Variants in PRRC2B observed in about 807,000 individuals in gnomAD.
PRRC2B encodes the protein protein PRRC2B.
In PRRC2B, 68 loss-of-function variants were observed where a neutral mutation model predicts 242.3. The ratio of observed to expected loss-of-function variants is 0.28; its 90% CI spans 0.23 to 0.34. The LOEUF is 0.34. PRRC2B is among the 10% of genes least tolerant of loss of function. PRRC2B has a pLI of 1.00. For missense variants in PRRC2B, 2,835 were observed against 2,954.8 expected, an observed-to-expected ratio of 0.96 and a Z score of 0.94; for synonymous variants, 1,228 against 1,173.6, an observed-to-expected ratio of 1.05 and a Z score of -0.95.
intron 1 of PRRC2B, among the ~76,000 whole-genome samples, chr9:131,420,680 G>T (rs142536188): frequency 1.7e-3 from 254 of 151,214 alleles, no homozygotes; most frequent in African/African-American, 6.0e-3. Flanking sequence ...AGTAGAGTCA[G>T]GGTGTCGCCA....
intron 4 of PRRC2B, among the ~76,000 whole-genome samples, chr9:131,438,253 A>G (rs1838438623): frequency 6.6e-6 from 1 of 152,128 alleles, no homozygotes; most frequent in African/African-American, 2.4e-5. Context: ...TAGTGGTTAG[A>G]GACTCGAAAG....
Position 131,470,952 on chromosome 9 carries a change from G to A in PRRC2B, c.2076G>A (p.Val692=), listed in dbSNP as rs750422125. Reference sequence around the variant, plus strand: ...GTATCACGCCCACTCGGACCCCGGTGGACTTCTACCCCTCCGCCCTGCATC... The same window carrying A: ...GTATCACGCCCACTCGGACCCCGGTAGACTTCTACCCCTCCGCCCTGCATC... ...DPRITPTRTP[V]DFYPSALHPS... The change falls in exon 14 of 32, where the codon GTG becomes GTA. Residue 692 remains valine (V), a synonymous_variant. Transcript: ENST00000683519. 29 of 1,612,346 alleles carry A rather than the reference G, an allele frequency of 1.8e-5. No individual in the cohort carries two copies. The highest frequency in any genetic ancestry group is 2.5e-5 in the Non-Finnish European group (29 of 1,179,060).
intron 14 of PRRC2B, among the ~76,000 whole-genome samples, chr9:131,472,277 G>A (rs1353751986): frequency 6.6e-6 from 1 of 151,872 alleles, no homozygotes; most frequent in Non-Finnish European, 1.5e-5. Context: ...TGCAAAAGTT[G>A]GTCCTTTTAG....
chr9:131,458,501 TTA>T (rs1417611129), intron 10 of PRRC2B, among the ~76,000 whole-genome samples: 1 of 31,746 alleles, frequency 3.1e-5, no homozygotes, highest in Admixed American at 2.5e-4. Context: ...TAATGTGTTT[TTA>T]TTTTTTTTTT....
rs71372731 is a variant in PRRC2B, at chr9:131,430,518, G to GATATCTATCT, written c.115+262_115+263insTCTATCTATA. Among the ~76,000 whole-genome samples, 25 of 20,698 alleles carry GATATCTATCT rather than the reference G, an allele frequency of 1.2e-3. 1 individual carries two copies. Among genetic ancestry groups the GATATCTATCT allele is most frequent in the South Asian group, 2.7e-3 (1 of 372 alleles). 13.6% of individuals were successfully genotyped at this position (20,698 alleles called of 152,430 possible). A position where few individuals can be genotyped will look rare whatever the true frequency, so the allele number is the denominator to read the frequency against. ...ATATATCTATAGATATCTATAGATAGATAGATAGATATCTATCTATAGATA... is the reference window on the plus strand; with the variant it reads ...ATATATCTATAGATATCTATAGATAGATATCTATCTATAGATAGATATCTATCTATAGATA... On this transcript the variant is annotated intron_variant, in intron 2 of 31. Transcript: ENST00000683519.
chr9:131,451,243 C>CA (rs1405582621), intron 9 of PRRC2B, among the ~76,000 whole-genome samples: 1 of 151,966 alleles, frequency 6.6e-6, no homozygotes, highest in African/African-American at 2.4e-5. Context: ...GCTAAAAATA[C>CA]AAAAAATTAG....
rs369026072 is a variant in PRRC2B at position 131,473,686 on chromosome 9, G to A, written c.2286G>A (p.Pro762=). The A allele has an allele frequency of 2.2e-5, 36 of 1,613,538 alleles. 1 individual carries two copies. The highest frequency in any genetic ancestry group is 2.9e-5 in the Non-Finnish European group (34 of 1,179,838). Residue 762 remains proline (P), a synonymous_variant, in exon 15 of 32, where the codon CCG becomes CCA. Coordinates refer to ENST00000683519, the MANE Select transcript of PRRC2B (RefSeq NM_013318.4). ...LQSKGYPLPH[P]KSSDTLAMDM... is the part of the protein sequence containing the mutation. ...GCAAGGGCTACCCGCTCCCGCACCC[G>A]AAGTCGAGTGACACCTTGGCTATGG... is the stretch of plus-strand genomic sequence containing the variant.
At chr9:131,403,508 C>T (rs907724080) in intron 1 of PRRC2B, among the ~76,000 whole-genome samples, 1 of 151,678 alleles carries the variant, frequency 6.6e-6, no homozygotes, top group Admixed American at 6.6e-5. Context: ...CATCCCGCCA[C>T]GCCTGGCTAA....
chr9:131,484,611 G>C, intron 23 of PRRC2B, 75 bp from the exon 24 acceptor site: 4 of 1,179,040 alleles, frequency 3.4e-6, no homozygotes, highest in Non-Finnish European at 4.9e-6. Context: ...GTGTTCAGGA[G>C]AGCCATGGAT....
intron 13 of PRRC2B, among the ~76,000 whole-genome samples, chr9:131,470,255 G>A (rs1024253828): frequency 6.6e-6 from 1 of 152,188 alleles, no homozygotes; most frequent in Admixed American, 6.5e-5. Context: ...GGATTTAGGC[G>A]TCGGGTGGAG....
Position 131,482,542 on chromosome 9 carries a change from C to A in PRRC2B, c.5155C>A (p.Pro1719Thr). Reference sequence around the variant, plus strand: ...GGCCGACAGCCACAAGGAGCAGGCTCCAAAGCCATCTGAGCAGAAGGTAAC... The same window carrying A: ...GGCCGACAGCCACAAGGAGCAGGCTACAAAGCCATCTGAGCAGAAGGTAAC... The part of the protein sequence containing the change: ...PKADSHKEQA[P>T]KPSEQKDSEQ... Residue 1719 changes from proline (P) to threonine (T), a missense_variant, in exon 21 of 32, where the codon CCA (proline) becomes ACA (threonine). Physicochemically the swap from Pro to Thr is conservative, Grantham distance 38. This residue lies in a region of PRRC2B where 51 missense variants were observed against 45.1 expected (regional missense o/e 1.13). Coordinates refer to ENST00000683519, the MANE Select transcript of PRRC2B (RefSeq NM_013318.4). This position sits in a 1 kb window ranked among gnomAD's most constrained non-coding sequence, Gnocchi z 5.2. 1 of 1,603,924 alleles carries A rather than the reference C, an allele frequency of 6.2e-7. No homozygotes were observed. Among genetic ancestry groups the A allele is most frequent in the African/African-American group, 1.3e-5 (1 of 74,668 alleles).
At chr9:131,424,534 A>G (rs909995912) in intron 1 of PRRC2B, among the ~76,000 whole-genome samples, 4 of 152,080 alleles carry the variant, frequency 2.6e-5, no homozygotes, top group African/African-American at 7.2e-5. Context: ...TAAAATACGA[A>G]AATTAGCTGG....
chr9:131,388,212 AATT>A, intron 1 of PRRC2B, among the ~76,000 whole-genome samples: 1 of 149,066 alleles, frequency 6.7e-6, no homozygotes, highest in Non-Finnish European at 1.5e-5. Flanking sequence ...TCATTATTAA[AATT>A]AATTTCATCA....
chr9:131,456,575 G>A (rs1053456233), intron 10 of PRRC2B, among the ~76,000 whole-genome samples: 2 of 151,808 alleles, frequency 1.3e-5, no homozygotes, highest in Non-Finnish European at 2.9e-5. Context: ...AGCTTGCAGT[G>A]AGCCGAGATC....
intron 10 of PRRC2B, among the ~76,000 whole-genome samples, chr9:131,457,225 C>T (rs757723973): frequency 3.3e-5 from 5 of 152,202 alleles, no homozygotes; most frequent in Non-Finnish European, 7.3e-5. Context: ...TGGATGCAGT[C>T]GGGACATACC....
At position 131,487,491 on chromosome 9, in the gene PRRC2B, T is replaced by C. The variant is rs3802349; in HGVS notation, c.5984+197T>C. Among the ~76,000 whole-genome samples the C allele has an allele frequency of 0.86, 131,123 of 152,142 alleles. 57,481 individuals carry two copies. Among genetic ancestry groups the C allele is most frequent in the South Asian group, 0.97 (4,697 of 4,830 alleles). On this transcript the variant is annotated intron_variant, in intron 27 of 31. Coordinates refer to ENST00000683519, the MANE Select transcript of PRRC2B (RefSeq NM_013318.4). The surrounding 1 kb of genome is among the most constrained non-coding windows in gnomAD (Gnocchi z 5.3). The stretch of plus-strand genomic sequence containing the variant: ...AGGAGAGGCCTGGGGCGAGCTGATA[T>C]GTGGTGGGCCGTGTTTTGCTTTTCC...
chr9:131,470,555 C>T (rs1943513591), intron 13 of PRRC2B, among the ~76,000 whole-genome samples: 1 of 152,110 alleles, frequency 6.6e-6, no homozygotes. Flanking sequence ...AGATGAGCCT[C>T]CATTGTGATA....
chr9:131,434,048 T>C (rs930823921), intron 3 of PRRC2B, among the ~76,000 whole-genome samples: 3 of 152,192 alleles, frequency 2.0e-5, no homozygotes, highest in African/African-American at 7.2e-5. Context: ...ATTGTTTGAC[T>C]TCTGAGCCTC....
chr9:131,384,054 A>G (rs887670592), intron 1 of PRRC2B, among the ~76,000 whole-genome samples: 66 of 146,114 alleles, frequency 4.5e-4, no homozygotes, highest in Non-Finnish European at 8.8e-4. Flanking sequence ...AGTAGCTGGG[A>G]CCACAGGCAC....
Sources: allele counts gnomAD v4.1 joint callset (sites outside exome capture counted in the v4.1 genomes callset), GRCh38; gene constraint gnomAD v4.1.1; regional missense constraint gnomAD v4.1.1; non-coding constraint Gnocchi (gnomAD v3.1); transcripts MANE v1.5; gene names NCBI Gene and HGNC (gene_info 2026-07-23, HGNC 2026-07-21).